MON2: variants seen among roughly 807,000 people sequenced by gnomAD.
The protein encoded by MON2 is MON2 regulator of endosome-to-Golgi trafficking.
Under a neutral mutation model 208.6 loss-of-function variants are expected in MON2, and 84 were observed. The observed-to-expected ratio is 0.40, with a 90% CI of 0.34 to 0.48. MON2 has a LOEUF of 0.48. Ranked by LOEUF, MON2 falls within the 20% of genes least tolerant of loss-of-function variation. The pLI is 0.59. For missense variants in MON2, 1,611 were observed against 2,015.4 expected (o/e 0.80, Z 3.84); for synonymous variants, 660 against 694.0 (o/e 0.95, Z 0.77).
chr12:62,537,866 T>C (rs1279514716), intron 16 of MON2, among the ~76,000 whole-genome samples, 160 bp downstream of exon 16: 1 of 152,210 alleles, frequency 6.6e-6, no homozygotes, highest in Non-Finnish European at 1.5e-5. Context: ...TGACTCATAT[T>C]GTAGGAAGTG....
intron 1 of MON2, chr12:62,470,805 T>C: frequency 1.0e-6 from 1 of 956,746 alleles, no homozygotes; most frequent in Non-Finnish European, 1.3e-6. Context: ...AAATAAATTT[T>C]ATACTGAAGA....
chr12:62,524,801 G>A (rs988821175), intron 9 of MON2, among the ~76,000 whole-genome samples, 162 bp downstream of exon 9: 1 of 152,120 alleles, frequency 6.6e-6, no homozygotes, highest in Non-Finnish European at 1.5e-5. Context: ...CTATAAGGAC[G>A]GGTAGGGCGT....
chr12:62,545,096 A>T, intron 21 of MON2, 88 bp downstream of exon 21: 1 of 769,124 alleles, frequency 1.3e-6, no homozygotes, highest in Non-Finnish European at 2.0e-6. Context: ...GGTAGATCAT[A>T]TTCTAAGAGT....
intron 8 of MON2, among the ~76,000 whole-genome samples, chr12:62,522,999 C>T (rs17098035): frequency 0.022 from 3,394 of 152,274 alleles, 128 homozygotes; most frequent in African/African-American, 0.078. Context: ...CTGTAATATA[C>T]TTGATGTTTC....
At chr12:62,582,388 C>G (rs759330614) in intron 32 of MON2, among the ~76,000 whole-genome samples, 2 of 152,182 alleles carry the variant, frequency 1.3e-5, no homozygotes, top group African/African-American at 2.4e-5. Flanking sequence ...TGGGAAGCTT[C>G]ACGTGAGAGT....
intron 26 of MON2, 107 bp from the exon 27 acceptor site, chr12:62,565,130 A>G (rs2074332802): frequency 8.8e-7 from 1 of 1,129,972 alleles, no homozygotes; most frequent in African/African-American, 1.6e-5. Context: ...TATAATACAT[A>G]AAATAAGACA....
chr12:62,578,453 C>A lies in MON2; in HGVS notation c.4523C>A (p.Pro1508Gln). 6.9e-7 allele frequency: 1 copy of A among 1,451,008 alleles called. No individual in the cohort carries two copies. Among genetic ancestry groups the A allele is most frequent in the South Asian group, 1.3e-5 (1 of 77,716 alleles). The allele number at this position is 1,451,008 out of a possible 1,614,324, so 89.9% of individuals were successfully genotyped here. Reference sequence around the variant, plus strand: ...GTGTTTTTTTTTTTTAGCATACCTCCAGATAATCTCTCTATTCAAGAGTTT... The same window carrying A: ...GTGTTTTTTTTTTTTAGCATACCTCAAGATAATCTCTCTATTCAAGAGTTT... ...EDFLFTKSIP[P>Q]DNLSIQEFQR... Residue 1508 changes from proline (P) to glutamine (Q), a missense_variant, in exon 31 of 35, where the codon CCA becomes CAA. Coordinates refer to ENST00000393630, the MANE Select transcript of MON2 (RefSeq NM_015026.3).
intron 1 of MON2, among the ~76,000 whole-genome samples, chr12:62,478,849 A>T (rs2069237620): frequency 6.6e-6 from 1 of 152,120 alleles, no homozygotes; most frequent in African/African-American, 2.4e-5. Flanking sequence ...TGAGTGTTGA[A>T]CTAAAGTGTG....
intron 34 of MON2, among the ~76,000 whole-genome samples, chr12:62,590,687 C>A (rs985815651): frequency 5.9e-5 from 9 of 152,170 alleles, no homozygotes; most frequent in Non-Finnish European, 1.2e-4. Flanking sequence ...ATTTTGTACA[C>A]AAATGAATAT....
At position 62,558,545 on chromosome 12, in the gene MON2, T is replaced by C. The variant is rs186667687; in HGVS notation, c.3410-1946T>C. Among the ~76,000 whole-genome samples, 131 of 152,292 alleles carry C rather than the reference T, an allele frequency of 8.6e-4. 1 individual carries two copies. Among genetic ancestry groups the C allele is most frequent in the Non-Finnish European group, 1.2e-3 (85 of 68,018 alleles). ...AGGTCACCATTCTGATTGGCAAATATAGTGATTCATGAGACTTTTAAACTT... is the reference window on the plus strand; with the variant it reads ...AGGTCACCATTCTGATTGGCAAATACAGTGATTCATGAGACTTTTAAACTT... On this transcript the variant is annotated intron_variant, in intron 25 of 34. Coordinates refer to ENST00000393630, the MANE Select transcript of MON2 (RefSeq NM_015026.3).
At chr12:62,589,855 T>A (rs1458278836) in intron 34 of MON2, among the ~76,000 whole-genome samples, 1 of 152,104 alleles carries the variant, frequency 6.6e-6, no homozygotes, top group Non-Finnish European at 1.5e-5. Context: ...TAAGGCAGTG[T>A]AGTAATAGAT....
At chr12:62,541,090 A>T (rs2073210005) in intron 19 of MON2, among the ~76,000 whole-genome samples, 1 of 152,192 alleles carries the variant, frequency 6.6e-6, no homozygotes, top group African/African-American at 2.4e-5. Context: ...AACTTAAGAT[A>T]AAGCTTGCAG....
intron 26 of MON2, among the ~76,000 whole-genome samples, chr12:62,561,471 TA>T (rs1422102757): frequency 6.6e-6 from 1 of 152,280 alleles, no homozygotes. Flanking sequence ...AGTGGGATTA[TA>T]TTTTTTTAAT....
intron 6 of MON2, 58 bp downstream of exon 6, chr12:62,500,938 T>TA: frequency 9.3e-7 from 1 of 1,073,932 alleles, no homozygotes; most frequent in Non-Finnish European, 1.3e-6. Context: ...GTGAATTTTT[T>TA]AGTTGGGGAT....
At chr12:62,495,208 T>C (rs1341419025) in intron 4 of MON2, 61 bp downstream of exon 4, 2 of 1,455,772 alleles carry the variant, frequency 1.4e-6, no homozygotes, top group Non-Finnish European at 1.8e-6. Flanking sequence ...ATAAGCTGGC[T>C]GAAAGAGAAA....
At chr12:62,502,407 T>TAA (rs549207731) in intron 7 of MON2, among the ~76,000 whole-genome samples, 5 of 135,392 alleles carry the variant, frequency 3.7e-5, no homozygotes, top group Non-Finnish European at 1.6e-5. Context: ...TTTCTTAAAT[T>TAA]AAAAAAAAAA....
chr12:62,472,860 T>C (rs1221561494), intron 1 of MON2, among the ~76,000 whole-genome samples: 1 of 152,226 alleles, frequency 6.6e-6, no homozygotes, highest in African/African-American at 2.4e-5. Flanking sequence ...AAGCGTAATA[T>C]AATATATTCA....
chr12:62,503,669 T>C (rs1199172713), intron 7 of MON2, among the ~76,000 whole-genome samples: 1 of 152,200 alleles, frequency 6.6e-6, no homozygotes, highest in Non-Finnish European at 1.5e-5. Context: ...GTTTCTTTCC[T>C]CTCTTCTCTT....
rs754511195 is a variant in MON2, at chr12:62,525,919, C to T, written c.1247-30C>T. On this transcript the variant is annotated intron_variant, in intron 10 of 34. Transcript: ENST00000393630. ...TTGTAGTCAAGTAGTAAATTAGTGTCTTTTCTTTTTTTCCCTTCTTCTCTA... is the reference window on the plus strand; with the variant it reads ...TTGTAGTCAAGTAGTAAATTAGTGTTTTTTCTTTTTTTCCCTTCTTCTCTA... The T allele has an allele frequency of 2.5e-6, 4 of 1,601,754 alleles. No homozygotes were observed. In the African/African-American group the frequency reaches 5.4e-5, roughly 22 times the overall value.
Sources: allele counts gnomAD v4.1 joint callset (sites outside exome capture counted in the v4.1 genomes callset), GRCh38; gene constraint gnomAD v4.1.1; transcripts MANE v1.5; gene names NCBI Gene and HGNC (gene_info 2026-07-23, HGNC 2026-07-21).